The following EFR3B variants were observed in gnomAD, a reference collection of about 807,000 sequenced individuals.
EFR3B encodes EFR3 homolog B, also known as protein EFR3 homolog B.
A neutral mutation model predicts 104.7 loss-of-function variants in EFR3B; 64 were observed. That is an observed-to-expected ratio of 0.61 (90% CI 0.50 to 0.75). The LOEUF is 0.75. EFR3B is among the 30% of genes least tolerant of loss of function. The pLI, the probability that EFR3B is intolerant of heterozygous loss-of-function variation, is 0.00. For missense variants in EFR3B, 750 were observed against 1,078.5 expected, an observed-to-expected ratio of 0.70 and a Z score of 4.27; for synonymous variants, 385 against 417.9, an observed-to-expected ratio of 0.92 and a Z score of 0.96.
At position 25,141,442 on chromosome 2, in the gene EFR3B, AGGACGGGGGACGT is replaced by A; in HGVS notation, c.1922+12_1922+24del. On this transcript the variant is annotated intron_variant, in intron 17 of 22. Coordinates refer to ENST00000403714, the MANE Select transcript of EFR3B (RefSeq NM_014971.2). ...TTTGTGGAGAGGCCCAGGTGAGGAG[AGGACGGGGGACGT>A]GGTCAGGGATCCCCAGGGCAGCTGA... is the stretch of plus-strand genomic sequence containing the variant. 6.4e-7 allele frequency: 1 copy of A among 1,550,856 alleles called. No homozygotes were observed. Among genetic ancestry groups the A allele is most frequent in the Non-Finnish European group, 8.7e-7 (1 of 1,146,648 alleles).
intron 20 of EFR3B, 22 bp downstream of exon 20, chr2:25,149,764 C>G: frequency 6.4e-7 from 1 of 1,550,916 alleles, no homozygotes; most frequent in East Asian, 2.4e-5. Flanking sequence ...CAAAGGGACT[C>G]TGGTTAGAGG....
intron 5 of EFR3B, 135 bp downstream of exon 5, chr2:25,121,929 G>C: frequency 8.0e-7 from 1 of 1,243,910 alleles, no homozygotes; most frequent in African/African-American, 1.5e-5. Context: ...TGCCGGGCAG[G>C]TGGGCCAGCA....
At position 25,045,837 on chromosome 2, in the gene EFR3B, T is replaced by C. The variant is rs1667700708; in HGVS notation, c.7+3518T>C. Among the ~76,000 whole-genome samples, 4 of 152,050 alleles carry C rather than the reference T, an allele frequency of 2.6e-5. No homozygotes were observed. In the South Asian group the frequency reaches 6.2e-4, roughly 24 times the overall value. On this transcript the variant is annotated intron_variant, in intron 1 of 22. Transcript: ENST00000403714. ...GTTTCCCTGTTGCTCTCATCTGGGC[T>C]GGAGCATCCCGTTTCCCCGCTGAGG...
chr2:25,079,788 A>G, intron 1 of EFR3B: 3 of 651,406 alleles, frequency 4.6e-6, no homozygotes, highest in Non-Finnish European at 8.8e-6. Flanking sequence ...AAGTTTGTAT[A>G]CCTACATGGC....
chr2:25,126,333 T>G (rs1232956439), intron 5 of EFR3B, among the ~76,000 whole-genome samples: 1 of 151,722 alleles, frequency 6.6e-6, no homozygotes, highest in Non-Finnish European at 1.5e-5. Flanking sequence ...TGACTACAGG[T>G]GCGCACCACC....
intron 1 of EFR3B, among the ~76,000 whole-genome samples, chr2:25,059,468 G>A (rs1443569635): frequency 1.3e-5 from 2 of 150,964 alleles, no homozygotes; most frequent in Non-Finnish European, 2.9e-5. Context: ...ATGGAAATAA[G>A]CCAGTCACAC....
chr2:25,087,386 C>CAT, intron 1 of EFR3B, among the ~76,000 whole-genome samples: 1 of 151,762 alleles, frequency 6.6e-6, no homozygotes, highest in Non-Finnish European at 1.5e-5. Context: ...TATACACACA[C>CAT]ACACACATAT....
rs567271027 is a variant in EFR3B, at chr2:25,097,524, C to A, written c.212+4394C>A. 3.9e-5 allele frequency among the ~76,000 whole-genome samples: 6 copies of A among 152,254 alleles called. No individual in the cohort carries two copies. In the East Asian group the frequency reaches 1.2e-3, roughly 29 times the overall value. ...ATGCTGGACCCAGGGGCAGAACCAC[C>A]CTCATCTGCCCCACTGCCTCCCCAC... On this transcript the variant is annotated intron_variant, in intron 3 of 22. Coordinates refer to ENST00000403714, the MANE Select transcript of EFR3B (RefSeq NM_014971.2).
At chr2:25,086,553 A>G (rs1323165989) in intron 1 of EFR3B, among the ~76,000 whole-genome samples, 1 of 152,164 alleles carries the variant, frequency 6.6e-6, no homozygotes, top group African/African-American at 2.4e-5. Context: ...TGCCACCTGC[A>G]TATCTCCTTT....
At chr2:25,113,539 G>A (rs919620450) in intron 4 of EFR3B, among the ~76,000 whole-genome samples, 1 of 151,982 alleles carries the variant, frequency 6.6e-6, no homozygotes, top group African/African-American at 2.4e-5. Flanking sequence ...GTGGTGGCGG[G>A]CGCCTGTAGT....
chr2:25,060,936 A>AAACAAAC (rs1553385284), intron 1 of EFR3B, among the ~76,000 whole-genome samples: 1 of 150,312 alleles, frequency 6.7e-6, no homozygotes, highest in African/African-American at 2.4e-5. Context: ...ACAAACAAAC[A>AAACAAAC]AACAACAACA....
chr2:25,047,696 A>T (rs1667760393), intron 1 of EFR3B, among the ~76,000 whole-genome samples: 1 of 151,872 alleles, frequency 6.6e-6, no homozygotes, highest in Admixed American at 6.6e-5. Flanking sequence ...ATGGGGTTTC[A>T]CCACATTGGC....
At chr2:25,093,875 A>T (rs1669203744) in intron 3 of EFR3B, among the ~76,000 whole-genome samples, 1 of 152,224 alleles carries the variant, frequency 6.6e-6, no homozygotes, top group African/African-American at 2.4e-5. Flanking sequence ...TAGGTGAAAT[A>T]TTTATCAATC....
At chr2:25,061,136 T>C (rs1668181990) in intron 1 of EFR3B, among the ~76,000 whole-genome samples, 1 of 151,994 alleles carries the variant, frequency 6.6e-6, no homozygotes. Context: ...GATTTTTTTT[T>C]TTTTTTTGAA....
At chr2:25,086,236 G>C (rs1668947876) in intron 1 of EFR3B, among the ~76,000 whole-genome samples, 1 of 152,180 alleles carries the variant, frequency 6.6e-6, no homozygotes. Context: ...CCACGTGCAG[G>C]TTTTTGTGTA....
chr2:25,042,656 TAAC>T lies in EFR3B; in HGVS notation c.7+340_7+342del. The T allele has an allele frequency of 1.2e-5, 13 of 1,079,510 alleles. No homozygotes were observed. The highest frequency in any genetic ancestry group is 1.5e-5 in the Non-Finnish European group (13 of 890,898). The allele number at this position is 1,079,510 out of a possible 1,614,324, so 66.9% of individuals were successfully genotyped here. ...GGTCGTGTGGCAGCATTTGCGGAATTAACAAAAGCGGTTTGTGCCTGGGAGTTT... is the reference window on the plus strand; with the variant it reads ...GGTCGTGTGGCAGCATTTGCGGAATTAAAAGCGGTTTGTGCCTGGGAGTTT... On this transcript the variant is annotated intron_variant, in intron 1 of 22. Transcript: ENST00000403714. The surrounding 1 kb of genome is among the most constrained non-coding windows in gnomAD (Gnocchi z 5.4).
At chr2:25,043,954 T>C (rs1558578414) in intron 1 of EFR3B, among the ~76,000 whole-genome samples, 1 of 152,070 alleles carries the variant, frequency 6.6e-6, no homozygotes, top group Non-Finnish European at 1.5e-5. Flanking sequence ...TCCAAGATAA[T>C]TTGGTCGTTT....
intron 1 of EFR3B, among the ~76,000 whole-genome samples, chr2:25,047,830 A>G (rs1323394662): frequency 6.6e-6 from 1 of 152,150 alleles, no homozygotes; most frequent in African/African-American, 2.4e-5. Flanking sequence ...CAAAAATAAA[A>G]CAAATAAAAA....
intron 12 of EFR3B, among the ~76,000 whole-genome samples, chr2:25,134,182 T>A (rs1283954577): frequency 8.0e-4 from 122 of 151,638 alleles, no homozygotes; most frequent in Middle Eastern, 3.4e-3. Context: ...TTTATATTTT[T>A]TTTTTTTTTT....
Sources: allele counts gnomAD v4.1 joint callset (sites outside exome capture counted in the v4.1 genomes callset), GRCh38; gene constraint gnomAD v4.1.1; non-coding constraint Gnocchi (gnomAD v3.1); transcripts MANE v1.5; gene names NCBI Gene and HGNC (gene_info 2026-07-23, HGNC 2026-07-21).